The following LIFR variants were observed in gnomAD, a reference collection of about 807,000 sequenced individuals.
The protein encoded by LIFR is LIF receptor subunit alpha, also known as leukemia inhibitory factor receptor.
Under a neutral mutation model 122.2 loss-of-function variants are expected in LIFR, and 84 were observed. That is an observed-to-expected ratio of 0.69 (90% CI 0.58 to 0.82). The LOEUF is 0.82. LIFR is among the 40% of genes least tolerant of loss of function. LIFR has a pLI of 0.00. For synonymous variants in LIFR, 422 were observed against 434.7 expected, an observed-to-expected ratio of 0.97 and a Z score of 0.36; for missense variants, 1,294 against 1,311.6, an observed-to-expected ratio of 0.99 and a Z score of 0.21.
intron 14 of LIFR, among the ~76,000 whole-genome samples, chr5:38,493,149 G>A (rs1021115022): frequency 1.4e-4 from 21 of 152,006 alleles, no homozygotes; most frequent in African/African-American, 5.1e-4. Flanking sequence ...CCTAACCTTG[G>A]TAACCTGGAC....
chr5:38,527,074 T>C, intron 4 of LIFR, 81 bp downstream of exon 4: 1 of 1,292,436 alleles, frequency 7.7e-7, no homozygotes, highest in Non-Finnish European at 1.1e-6. Flanking sequence ...ACACATGAAA[T>C]TCAAAAAACT....
Position 38,496,360 on chromosome 5 carries a change from C to T in LIFR, c.1885+22G>A, listed in dbSNP as rs1487024712. Reference sequence around the variant, plus strand: ...CACTTTAGTTTCCCGTTCTTATATACTAAATCATCTCAAGCACTCACCATT... The same window carrying T: ...CACTTTAGTTTCCCGTTCTTATATATTAAATCATCTCAAGCACTCACCATT... On this transcript the variant is annotated intron_variant, in intron 13 of 19. Transcript: ENST00000453190. 2.6e-6 allele frequency: 4 copies of T among 1,561,006 alleles called. No individual in the cohort carries two copies. The African/African-American group carries it at 4.1e-5, about 16-fold the overall frequency.
rs1743692396 is a variant in LIFR, at chr5:38,475,680, T to A, written c.*5915A>T. On this transcript the variant is annotated 3_prime_UTR_variant, in exon 20 of 20. Coordinates refer to ENST00000453190, the MANE Select transcript of LIFR (RefSeq NM_001127671.2). The stretch of plus-strand genomic sequence containing the variant: ...TTATATCTGTTCACAGTATGTGTAT[T>A]TTGTAAACAGTAATTCACTATAATG... The A allele has an allele frequency of 5.3e-6, 1 of 187,994 alleles. No homozygotes were observed. The highest frequency in any genetic ancestry group is 2.3e-5 in the African/African-American group (1 of 42,844). 11.6% of individuals were successfully genotyped at this position (187,994 alleles called of 1,614,324 possible). A position where few individuals can be genotyped will look rare whatever the true frequency, so the allele number is the denominator to read the frequency against.
At position 38,493,665 on chromosome 5, in the gene LIFR, G is replaced by A. The variant is rs1283936111; in HGVS notation, c.2006C>T (p.Pro669Leu). 1.2e-6 allele frequency: 2 copies of A among 1,614,186 alleles called. No individual in the cohort carries two copies. The highest frequency in any genetic ancestry group is 1.1e-5 in the South Asian group (1 of 91,080). ...AACTTTTCTCCAGTCCATAAGGCATGGTTCCGACCGAGACGAGTTACACCA... is the reference window on the plus strand; with the variant it reads ...AACTTTTCTCCAGTCCATAAGGCATAGTTCCGACCGAGACGAGTTACACCA... The part of the protein sequence containing the change: ...IKWCNSSRSE[P>L]CLMDWRKVPS... Residue 669 changes from proline (P) to leucine (L), a missense_variant, in exon 14 of 20, where the codon CCA becomes CTA. Physicochemically the swap from Pro to Leu is moderately conservative, Grantham distance 98. Coordinates refer to ENST00000453190, the MANE Select transcript of LIFR (RefSeq NM_001127671.2).
chr5:38,512,416 C>A (rs993217158), intron 5 of LIFR, among the ~76,000 whole-genome samples: 1 of 151,880 alleles, frequency 6.6e-6, no homozygotes, highest in Admixed American at 6.6e-5. Context: ...CCCAGGAGTA[C>A]AAGACCAGCC....
chr5:38,527,329 AAATT>A (rs1561178245), intron 3 of LIFR, 35 bp from the exon 4 acceptor site: 1 of 1,314,804 alleles, frequency 7.6e-7, no homozygotes. Flanking sequence ...TTAGCAAATA[AAATT>A]AATAGTATAA....
In LIFR at chr5:38,549,287, A is replaced by ACACACACT. The variant is rs1491389562; in HGVS notation, c.-20+7046_-20+7047insAGTGTGTG. On this transcript the variant is annotated intron_variant, in intron 1 of 19. Transcript: ENST00000453190. Reference sequence around the variant, plus strand: ...CACACACACACACACACACACACACACTCCATAAGCAAAAACAAGGATCAA... The same window carrying ACACACACT: ...CACACACACACACACACACACACACACACACACTCTCCATAAGCAAAAACAAGGATCAA... 6.5e-5 allele frequency among the ~76,000 whole-genome samples: 9 copies of ACACACACT among 137,930 alleles called. 1 individual carries two copies. The South Asian group carries it at 1.7e-3, about 26-fold the overall frequency. The allele number at this position is 137,930 out of a possible 152,430, so 90.5% of individuals were successfully genotyped here.
rs570491104 is a variant in LIFR at position 38,477,614 on chromosome 5, T to C, written c.*3981A>G. On this transcript the variant is annotated 3_prime_UTR_variant, in exon 20 of 20. Coordinates refer to ENST00000453190, the MANE Select transcript of LIFR (RefSeq NM_001127671.2). ...TAAGATATCTAGTGATATACAGGCA[T>C]GAGTCCTTCCTCAGTTTTCACTCAA... 4.8e-4 allele frequency: 102 copies of C among 212,336 alleles called. No individual in the cohort carries two copies. The highest frequency in any genetic ancestry group is 2.2e-3 in the African/African-American group (99 of 44,276). 13.2% of individuals were successfully genotyped at this position (212,336 alleles called of 1,614,324 possible).
intron 5 of LIFR, among the ~76,000 whole-genome samples, chr5:38,517,627 G>T (rs1426440436): frequency 6.6e-6 from 1 of 151,864 alleles, no homozygotes; most frequent in African/African-American, 2.4e-5. Context: ...GGAGGCCGAG[G>T]TGGCCAGATT....
At chr5:38,520,245 C>A (rs984664519) in intron 5 of LIFR, among the ~76,000 whole-genome samples, 2 of 151,950 alleles carry the variant, frequency 1.3e-5, no homozygotes, top group Non-Finnish European at 2.9e-5. Context: ...TTTTCATACA[C>A]CTGTTGTCCA....
chr5:38,511,749 T>A (rs1281669864), intron 6 of LIFR, 41 bp downstream of exon 6: 3 of 1,587,436 alleles, frequency 1.9e-6, no homozygotes, highest in Non-Finnish European at 2.6e-6. Context: ...TGAGACTAAT[T>A]TAATTCATCT....
Position 38,502,779 on chromosome 5 carries a change from T to G in LIFR, c.1458A>C (p.Gly486=). 1.9e-6 allele frequency: 3 copies of G among 1,602,754 alleles called. No individual in the cohort carries two copies. The highest frequency in any genetic ancestry group is 2.2e-5 in the South Asian group (2 of 90,458). Residue 486 remains glycine, a synonymous_variant, in exon 11 of 20, where the codon GGA becomes GGC. Coordinates refer to ENST00000453190, the MANE Select transcript of LIFR (RefSeq NM_001127671.2). ...CAACAAGATAACTTGAATTTTCTAC[T>G]CCTTTGATTGTGACATTCCGCTATT... is the stretch of plus-strand genomic sequence containing the variant. The part of the protein sequence containing the change: ...VQEQRNVTIK[G]VENSSYLVAL...
intron 15 of LIFR, among the ~76,000 whole-genome samples, chr5:38,489,603 T>C (rs577133907): frequency 6.6e-6 from 1 of 152,322 alleles, no homozygotes; most frequent in South Asian, 2.1e-4. Flanking sequence ...TTTAAACTTG[T>C]AAAAGTACTA....
intron 14 of LIFR, among the ~76,000 whole-genome samples, chr5:38,492,582 T>C (rs936638112): frequency 6.6e-6 from 1 of 152,298 alleles, no homozygotes; most frequent in Non-Finnish European, 1.5e-5. Context: ...TTCAGCCAAT[T>C]ATACATGTGG....
intron 5 of LIFR, among the ~76,000 whole-genome samples, chr5:38,518,053 A>C (rs1746198525): frequency 6.6e-6 from 1 of 151,280 alleles, no homozygotes; most frequent in Non-Finnish European, 1.5e-5. Flanking sequence ...TTGAGGCTGC[A>C]GTCAGCTATA....
intron 4 of LIFR, among the ~76,000 whole-genome samples, chr5:38,525,484 A>G (rs1746631501): frequency 6.6e-6 from 1 of 152,196 alleles, no homozygotes. Context: ...TAATCTCGGA[A>G]CTTAAAAATA....
chr5:38,604,267 A>C (rs1304662691), intron 2 of LIFR, among the ~76,000 whole-genome samples: 2 of 152,116 alleles, frequency 1.3e-5, no homozygotes, highest in Admixed American at 6.6e-5. Context: ...GAACTCCCAG[A>C]CCTGTGGAGA....
chr5:38,518,839 C>T (rs181065611), intron 5 of LIFR, among the ~76,000 whole-genome samples: 229 of 152,252 alleles, frequency 1.5e-3, no homozygotes, highest in African/African-American at 5.1e-3. Flanking sequence ...CATGTTACTG[C>T]CCCGAAGACC....
upstream of LIFR, among the ~76,000 whole-genome samples, chr5:38,561,581 T>TA (rs1197841496): frequency 6.6e-6 from 1 of 152,240 alleles, no homozygotes; most frequent in Non-Finnish European, 1.5e-5. Context: ...TGTCTTATTG[T>TA]AGACCATCTG....
Sources: gnomAD v4.1 joint callset for allele counts (sites outside exome capture counted in the v4.1 genomes callset) on GRCh38, gnomAD v4.1.1 for gene constraint, MANE v1.5 for transcripts, NCBI Gene and HGNC (gene_info 2026-07-23, HGNC 2026-07-21) for gene names.